KIAA0825: variants seen among roughly 807,000 people sequenced by gnomAD.
KIAA0825 encodes uncharacterized protein KIAA0825.
A neutral mutation model predicts 147.6 loss-of-function variants in KIAA0825; 119 were observed. The ratio of observed to expected loss-of-function variants is 0.81; its 90% CI spans 0.69 to 0.94. The LOEUF (loss-of-function observed/expected upper bound fraction) is 0.94, where lower values mean the gene tolerates loss of function less well. KIAA0825 is among the 40% of genes least tolerant of loss of function. The probability of loss-of-function intolerance (pLI) is 0.00; values close to 1 mark genes in which losing one functional copy is unlikely to be tolerated. For missense variants in KIAA0825, 1,381 were observed against 1,472.7 expected (o/e 0.94, Z 1.02); for synonymous variants, 470 against 518.1 (o/e 0.91, Z 1.26).
At chr5:94,439,023 T>C (rs1756733518) in intron 14 of KIAA0825, among the ~76,000 whole-genome samples, 2 of 152,180 alleles carry the variant, frequency 1.3e-5, no homozygotes, top group African/African-American at 4.8e-5. Flanking sequence ...AAGTTGTTTA[T>C]GGCAGGTCTT....
At position 94,593,542 on chromosome 5, in the gene KIAA0825, T is replaced by C. The variant is rs144704820; in HGVS notation, c.-152-10959A>G. Reference sequence around the variant, plus strand: ...AAGCTTTGTAAAGTTTTTTGTAGCATTGGGACCCATTGCAGGACCTGAAGA... The same window carrying C: ...AAGCTTTGTAAAGTTTTTTGTAGCACTGGGACCCATTGCAGGACCTGAAGA... On this transcript the variant is annotated intron_variant, in intron 1 of 20. Coordinates refer to ENST00000682413, the MANE Select transcript of KIAA0825 (RefSeq NM_001145678.3). 1,560 of 594,580 alleles carry C rather than the reference T, an allele frequency of 2.6e-3. 4 individuals carry two copies. The highest frequency in any genetic ancestry group is 3.7e-3 in the Non-Finnish European group (1,188 of 318,380). 36.8% of individuals were successfully genotyped at this position (594,580 alleles called of 1,614,324 possible). A position where few individuals can be genotyped will look rare whatever the true frequency, so the allele number is the denominator to read the frequency against.
chr5:94,396,609 T>A (rs540851836), intron 16 of KIAA0825, 100 bp from the exon 17 acceptor site: 12 of 1,006,658 alleles, frequency 1.2e-5, no homozygotes, highest in Non-Finnish European at 1.6e-5. Flanking sequence ...GTGGAGAAAA[T>A]TGGCAAGAAG....
At chr5:94,544,947 G>A (rs996920400) in intron 2 of KIAA0825, among the ~76,000 whole-genome samples, 11 of 152,178 alleles carry the variant, frequency 7.2e-5, no homozygotes, top group South Asian at 2.1e-4. Context: ...AAGAGACACC[G>A]AGAGGATAGA....
At chr5:94,378,612 G>A (rs896144129) in intron 20 of KIAA0825, among the ~76,000 whole-genome samples, 1 of 152,162 alleles carries the variant, frequency 6.6e-6, no homozygotes, top group African/African-American at 2.4e-5. Context: ...ATTCCTTTGG[G>A]TATAAACCCA....
At chr5:94,534,847 T>A (rs1229681675) in intron 3 of KIAA0825, among the ~76,000 whole-genome samples, 1 of 152,132 alleles carries the variant, frequency 6.6e-6, no homozygotes, top group Non-Finnish European at 1.5e-5. Flanking sequence ...TTTAAAAATA[T>A]TTCAATTTTT....
rs1030782512 is a variant in KIAA0825, at chr5:94,151,349, G to A, written c.*2658C>T. The stretch of plus-strand genomic sequence containing the variant: ...GGAGAATGGCGTGAACCCGGGAAGC[G>A]GAGCTTGCAGTGAGCCGAGATTGCG... On this transcript the variant is annotated 3_prime_UTR_variant, in exon 21 of 21. Coordinates refer to ENST00000682413, the MANE Select transcript of KIAA0825 (RefSeq NM_001145678.3). Among the ~76,000 whole-genome samples the A allele has an allele frequency of 8.1e-5, 12 of 149,042 alleles. No individual in the cohort carries two copies. Among genetic ancestry groups the A allele is most frequent in the African/African-American group, 2.5e-4 (10 of 40,524 alleles).
At chr5:94,346,069 C>A (rs1264456281) in intron 20 of KIAA0825, among the ~76,000 whole-genome samples, 1 of 152,154 alleles carries the variant, frequency 6.6e-6, no homozygotes, top group Non-Finnish European at 1.5e-5. Flanking sequence ...CAGGGTGTGG[C>A]ACCGGGCTGT....
At chr5:94,473,237 C>T (rs1395705464) in intron 8 of KIAA0825, 55 bp downstream of exon 8, 1 of 1,410,842 alleles carries the variant, frequency 7.1e-7, no homozygotes, top group Non-Finnish European at 9.8e-7. Context: ...ATGCCTTATA[C>T]TAAAATAAAT....
chr5:94,520,537 G>A lies in KIAA0825; in HGVS notation c.681C>T (p.Cys227=). 1 of 1,613,156 alleles carries A rather than the reference G, an allele frequency of 6.2e-7. No homozygotes were observed. Among genetic ancestry groups the A allele is most frequent in the Non-Finnish European group, 8.5e-7 (1 of 1,179,290 alleles). ...TTGAATCTCTGTTGTAAGAAGGAAAGCAGTTCCACAGAAGATTAGCCAACA... is the reference window on the plus strand; with the variant it reads ...TTGAATCTCTGTTGTAAGAAGGAAAACAGTTCCACAGAAGATTAGCCAACA... The part of the protein sequence containing the change: ...NKLLANLLWN[C]FPSYNRDSNL... Residue 227 remains cysteine (C), a synonymous_variant, in exon 5 of 21, where the codon TGC becomes TGT. Coordinates refer to ENST00000682413, the MANE Select transcript of KIAA0825 (RefSeq NM_001145678.3).
In KIAA0825 at chr5:94,298,223, G is replaced by A. The variant is rs558663803; in HGVS notation, c.3710+86145C>T. On this transcript the variant is annotated intron_variant, in intron 20 of 20. Transcript: ENST00000682413. ...AGATTGCGCCACTGCACTCCAGCCC[G>A]GGTGACAGTGCAAGACTCCGTCCCA... 1.0e-3 allele frequency among the ~76,000 whole-genome samples: 156 copies of A among 151,964 alleles called. 1 individual carries two copies. The highest frequency in any genetic ancestry group is 3.7e-3 in the African/African-American group (152 of 41,498).
intron 13 of KIAA0825, among the ~76,000 whole-genome samples, chr5:94,449,789 T>C (rs1250365193): frequency 2.6e-5 from 4 of 152,144 alleles, no homozygotes; most frequent in Non-Finnish European, 5.9e-5. Context: ...TCAAAAAATG[T>C]ATTCACAGGC....
chr5:94,462,162 G>A (rs1759916110), intron 12 of KIAA0825, among the ~76,000 whole-genome samples: 1 of 151,816 alleles, frequency 6.6e-6, no homozygotes, highest in Non-Finnish European at 1.5e-5. Flanking sequence ...GAATGGGATT[G>A]ACCAATAGAA....
At chr5:94,594,348 G>T in intron 1 of KIAA0825, 1 of 728,246 alleles carries the variant, frequency 1.4e-6, no homozygotes, top group Non-Finnish European at 2.5e-6. Flanking sequence ...CATGAATGTA[G>T]CACAACAGCA....
At chr5:94,313,483 C>T (rs1779357795) in intron 20 of KIAA0825, among the ~76,000 whole-genome samples, 1 of 151,628 alleles carries the variant, frequency 6.6e-6, no homozygotes, top group Non-Finnish European at 1.5e-5. Context: ...AATAAAATGT[C>T]TCCTTTTGTA....
rs1176429699 is a variant in KIAA0825, at chr5:94,565,095, C to CTTTTTTTTTTTTTT, written c.-2+17324_-2+17337dup. Among the ~76,000 whole-genome samples, 25 of 52,920 alleles carry CTTTTTTTTTTTTTT rather than the reference C, an allele frequency of 4.7e-4. 2 individuals carry two copies. The highest frequency in any genetic ancestry group is 2.9e-3 in the East Asian group (6 of 2,046). 34.7% of individuals were successfully genotyped at this position (52,920 alleles called of 152,430 possible). A position where few individuals can be genotyped will look rare whatever the true frequency, so the allele number is the denominator to read the frequency against. On this transcript the variant is annotated intron_variant, in intron 2 of 20. Transcript: ENST00000682413. Reference sequence around the variant, plus strand: ...CTCTTTCTCTCTCTTTCTTGCTTTCCTTTTTTTTTTTTTTTTTTGGTAGAG... The same window carrying CTTTTTTTTTTTTTT: ...CTCTTTCTCTCTCTTTCTTGCTTTCCTTTTTTTTTTTTTTTTTTTTTTTTTTTTTTTTGGTAGAG...
intron 20 of KIAA0825, among the ~76,000 whole-genome samples, chr5:94,348,562 G>A (rs1392948895): frequency 6.6e-6 from 1 of 152,116 alleles, no homozygotes; most frequent in African/African-American, 2.4e-5. Context: ...CATACAGGAA[G>A]GAAAGGAGAC....
chr5:94,437,874 TTAAGTGAAG>T (rs1226484054), intron 14 of KIAA0825, among the ~76,000 whole-genome samples: 1 of 152,284 alleles, frequency 6.6e-6, no homozygotes, highest in Admixed American at 6.5e-5. Flanking sequence ...ACTATAAAGT[TTAAGTGAAG>T]CACCATGTTT....
chr5:94,390,774 A>G (rs180703350), intron 18 of KIAA0825, among the ~76,000 whole-genome samples: 1 of 152,360 alleles, frequency 6.6e-6, no homozygotes, highest in African/African-American at 2.4e-5. Flanking sequence ...GGCCTACATT[A>G]TTGAGATAAA....
chr5:94,242,606 C>T (rs1390926623), intron 20 of KIAA0825, among the ~76,000 whole-genome samples: 4 of 149,992 alleles, frequency 2.7e-5, no homozygotes, highest in African/African-American at 9.8e-5. Context: ...TTCCTTTCTT[C>T]CTTCCTTCCT....
Sources: allele counts gnomAD v4.1 joint callset (sites outside exome capture counted in the v4.1 genomes callset), GRCh38; gene constraint gnomAD v4.1.1; transcripts MANE v1.5; gene names NCBI Gene and HGNC (gene_info 2026-07-23, HGNC 2026-07-21).